The following SCN3A variants were observed in gnomAD, a reference collection of about 807,000 sequenced individuals.
SCN3A encodes sodium voltage-gated channel alpha subunit 3, also known as sodium channel protein type 3 subunit alpha.
Under a neutral mutation model 187.6 loss-of-function variants are expected in SCN3A, and 60 were observed. The observed-to-expected ratio is 0.32, with a 90% confidence interval of 0.26 to 0.40. The LOEUF (loss-of-function observed/expected upper bound fraction) is 0.40, where lower values mean the gene tolerates loss of function less well. SCN3A is among the 10% of genes least tolerant of loss of function. The pLI is 1.00. For synonymous variants in SCN3A, 788 were observed against 829.2 expected (o/e 0.95, Z 0.85); for missense variants, 1,601 against 2,428.2 (o/e 0.66, Z 7.16).
chr2:165,143,147 G>C (rs1275272082), intron 12 of SCN3A, among the ~76,000 whole-genome samples: 1 of 152,132 alleles, frequency 6.6e-6, no homozygotes, highest in Non-Finnish European at 1.5e-5. Flanking sequence ...TATGGATTCA[G>C]GAAGTAGCAG....
In SCN3A at chr2:165,113,846, C is replaced by A; in HGVS notation, c.3639G>T (p.Val1213=). The stretch of plus-strand genomic sequence containing the variant: ...CACCACTACTGAGAAGGATCATGAA[C>A]ACAATGAAAGTCTCAAACCAGTTGT... The part of the protein sequence containing the change: ...VEHNWFETFI[V]FMILLSSGAL... The change falls in exon 20 of 28, where the codon GTG becomes GTT. Residue 1213 remains valine, a synonymous_variant. Coordinates refer to ENST00000283254, the MANE Select transcript of SCN3A (RefSeq NM_006922.4). 6.2e-7 allele frequency: 1 copy of A among 1,613,890 alleles called. No individual in the cohort carries two copies. The highest frequency in any genetic ancestry group is 2.2e-5 in the East Asian group (1 of 44,866).
chr2:165,185,997 C>T (rs1205896139), intron 2 of SCN3A, among the ~76,000 whole-genome samples: 1 of 152,050 alleles, frequency 6.6e-6, no homozygotes, highest in African/African-American at 2.4e-5. Flanking sequence ...AGTTGCTGGG[C>T]GCGATGGCTC....
chr2:165,168,647 T>A, intron 5 of SCN3A, 89 bp downstream of exon 5: 1 of 936,716 alleles, frequency 1.1e-6, no homozygotes, highest in South Asian at 1.3e-5. Flanking sequence ...TAGACAGAAG[T>A]GGAAACCATA....
At chr2:165,198,521 T>G (rs557135711) in intron 1 of SCN3A, among the ~76,000 whole-genome samples, 15 of 152,064 alleles carry the variant, frequency 9.9e-5, no homozygotes, top group Non-Finnish European at 2.1e-4. Context: ...TTGAAATAGA[T>G]GATTCCATTT....
Position 165,176,369 on chromosome 2 carries a change from G to C in SCN3A, c.26C>G (p.Pro9Arg). Residue 9 changes from proline (P) to arginine (R), a missense_variant, in exon 3 of 28, where the codon CCA (proline) becomes CGA (arginine). Physicochemically the swap from Pro to Arg is moderately radical, Grantham distance 103. This residue lies in a region of SCN3A where 74 missense variants were observed against 77.7 expected (regional missense o/e 0.95). Coordinates refer to ENST00000283254, the MANE Select transcript of SCN3A (RefSeq NM_006922.4). ...AAAAAGGCGGAAGCTTTCAGGTCCT[G>C]GGGGTACCAACAGTGCCTGTGCCAT... MAQALLVP[P>R]GPESFRLFTR... The C allele has an allele frequency of 1.2e-6, 2 of 1,614,038 alleles. No individual in the cohort carries two copies. Among genetic ancestry groups the C allele is most frequent in the Non-Finnish European group, 1.7e-6 (2 of 1,179,968 alleles).
chr2:165,162,223 A>T (rs1689442444), intron 9 of SCN3A, 85 bp downstream of exon 9: 2 of 1,206,854 alleles, frequency 1.7e-6, no homozygotes, highest in Middle Eastern at 5.2e-4. Context: ...GTAAGGCTAC[A>T]CATATAACCA....
chr2:165,140,916 T>C lies in SCN3A; in HGVS notation c.1754A>G (p.Lys585Arg), dbSNP rs1687974304. The C allele has an allele frequency of 1.2e-6, 2 of 1,614,014 alleles. No homozygotes were observed. The highest frequency in any genetic ancestry group is 1.7e-6 in the Non-Finnish European group (2 of 1,179,986). The change falls in exon 13 of 28, where the codon AAG becomes AGG. Residue 585 changes from lysine (K) to arginine (R), a missense_variant. Physicochemically the swap from Lys to Arg is conservative, Grantham distance 26 (BLOSUM62 2). Transcript: ENST00000283254. This position sits in a 1 kb window ranked among gnomAD's most constrained non-coding sequence, Gnocchi z 4.2. Reference protein sequence around the residue: ...TSIFSFRGRAKDVGSENDFAD... With the variant: ...TSIFSFRGRARDVGSENDFAD... ...AAAGTCATTTTCAGATCCAACATCC[T>C]TTGCCCGACCTCTGAAACTGAAAAT... is the stretch of plus-strand genomic sequence containing the variant.
chr2:165,162,175 T>C, intron 9 of SCN3A, 133 bp downstream of exon 9: 1 of 794,708 alleles, frequency 1.3e-6, no homozygotes, highest in Non-Finnish European at 2.1e-6. Context: ...GACAAGGCAC[T>C]TCCTAGGGGA....
chr2:165,129,841 A>T, intron 17 of SCN3A, 99 bp downstream of exon 17: 1 of 1,457,972 alleles, frequency 6.9e-7, no homozygotes, highest in Non-Finnish European at 9.6e-7. Flanking sequence ...AGTCTAGGCC[A>T]CTTACTATAA....
At chr2:165,195,491 C>T (rs1691894102) in intron 1 of SCN3A, 1 of 152,090 alleles carries the variant, frequency 6.6e-6, no homozygotes, top group Non-Finnish European at 1.5e-5. Context: ...GTTCCCACAT[C>T]GAGTGCCCTA....
At chr2:165,118,263 G>C (rs1686470292) in intron 18 of SCN3A, among the ~76,000 whole-genome samples, 1 of 152,078 alleles carries the variant, frequency 6.6e-6, no homozygotes, top group Admixed American at 6.5e-5. Flanking sequence ...TTTGACAATG[G>C]ACAAGGAAAA....
chr2:165,122,230 C>CTTTTTTTTTTTTTTTTTTTTTTTTTTTTT (rs776949572), intron 18 of SCN3A, among the ~76,000 whole-genome samples: 3 of 113,906 alleles, frequency 2.6e-5, no homozygotes, highest in Non-Finnish European at 3.5e-5. Context: ...TTCTTTCTTT[C>CTTTTTTTTTTTTTTTTTTTTTTTTTTTTT]TTTTTTTTCT....
intron 21 of SCN3A, among the ~76,000 whole-genome samples, chr2:165,101,061 G>C (rs1243852146): frequency 6.6e-6 from 1 of 152,144 alleles, no homozygotes; most frequent in East Asian, 1.9e-4. Context: ...CAGAGAGATG[G>C]TACAGCTTCC....
chr2:165,090,986 G>T lies in SCN3A; in HGVS notation c.5167C>A (p.Pro1723Thr), dbSNP rs200457036. ...ATTGTGTCAGGGTCACAGTCGGGTG[G>T]TGCACTATTAAGAATAGGTGCTAGC... ...GLLAPILNSA[P>T]PDCDPDTIHP... The change falls in exon 28 of 28, where the codon CCA (proline) becomes ACA (threonine). Residue 1723 changes from proline (P) to threonine (T), a missense_variant. By Grantham distance (38) the Pro-to-Thr change is conservative. Coordinates refer to ENST00000283254, the MANE Select transcript of SCN3A (RefSeq NM_006922.4). This position sits in a 1 kb window ranked among gnomAD's most constrained non-coding sequence, Gnocchi z 4.0. The T allele has an allele frequency of 6.2e-7, 1 of 1,614,098 alleles. No homozygotes were observed. Among genetic ancestry groups the T allele is most frequent in the East Asian group, 2.2e-5 (1 of 44,864 alleles).
Position 165,146,994 on chromosome 2 carries a change from G to C in SCN3A, c.1416C>G (p.Phe472Leu), listed in dbSNP as rs755402068. ...VAAASAASRD[F>L]SGIGGLGELL... is the part of the protein sequence containing the mutation. ...GCTCTCCTAACCCACCTATTCCACT[G>C]AAATCTCTTGAAGCAGCTGATGCTG... Residue 472 changes from phenylalanine to leucine, a missense_variant, in exon 12 of 28, where the codon TTC becomes TTG. By Grantham distance (22) the Phe-to-Leu change is conservative (BLOSUM62 0). Coordinates refer to ENST00000283254, the MANE Select transcript of SCN3A (RefSeq NM_006922.4). 1 of 1,613,972 alleles carries C rather than the reference G, an allele frequency of 6.2e-7. No individual in the cohort carries two copies. Among genetic ancestry groups the C allele is most frequent in the Non-Finnish European group, 8.5e-7 (1 of 1,179,946 alleles).
At chr2:165,200,801 A>T (rs1172277406) in intron 1 of SCN3A, among the ~76,000 whole-genome samples, 1 of 152,086 alleles carries the variant, frequency 6.6e-6, no homozygotes, top group Non-Finnish European at 1.5e-5. Flanking sequence ...AGACCCCAGT[A>T]GCACACAGCT....
chr2:165,164,811 G>A (rs377369018), intron 5 of SCN3A, among the ~76,000 whole-genome samples: 11 of 152,076 alleles, frequency 7.2e-5, no homozygotes, highest in South Asian at 6.2e-4. Flanking sequence ...ACCTTCTAGC[G>A]CAGCAGTATC....
chr2:165,203,915 C>CTTTTTT lies in SCN3A; in HGVS notation c.-346_-341dup, dbSNP rs762858535. 2.1e-5 allele frequency: 2 copies of CTTTTTT among 94,680 alleles called. No individual in the cohort carries two copies. The highest frequency in any genetic ancestry group is 4.5e-5 in the African/African-American group (1 of 22,112). 5.9% of individuals were successfully genotyped at this position (94,680 alleles called of 1,614,324 possible). On this transcript the variant is annotated 5_prime_UTR_variant, in exon 1 of 28. Transcript: ENST00000283254. ...CGTGTCTTCCTCTGCAGCTGTTCAG[C>CTTTTTT]TTTTTTTTTTTTTTTTTTTTTTGAC...
In SCN3A at chr2:165,090,082, G is replaced by A; in HGVS notation, c.*68C>T. ...GGCATGGACCTCCTCTTGAAGTCCA[G>A]TTGACACATATACTTTACCTTCATA... On this transcript the variant is annotated 3_prime_UTR_variant, in exon 28 of 28. Coordinates refer to ENST00000283254, the MANE Select transcript of SCN3A (RefSeq NM_006922.4). This position sits in a 1 kb window ranked among gnomAD's most constrained non-coding sequence, Gnocchi z 4.0. 1 of 1,543,018 alleles carries A rather than the reference G, an allele frequency of 6.5e-7. No individual in the cohort carries two copies. Among genetic ancestry groups the A allele is most frequent in the South Asian group, 1.2e-5 (1 of 83,158 alleles).
Sources: gnomAD v4.1 joint callset for allele counts (sites outside exome capture counted in the v4.1 genomes callset) on GRCh38, gnomAD v4.1.1 for gene constraint, gnomAD v4.1.1 regional missense constraint, Gnocchi (gnomAD v3.1) non-coding constraint, MANE v1.5 for transcripts, NCBI Gene and HGNC (gene_info 2026-07-23, HGNC 2026-07-21) for gene names.